Variants in UACA observed in about 807,000 individuals in gnomAD.
The protein encoded by UACA is nuclear membrane binding protein.
Under a neutral mutation model 160.5 loss-of-function variants are expected in UACA, and 112 were observed. The ratio of observed to expected loss-of-function variants is 0.70; its 90% CI spans 0.60 to 0.82. UACA has a LOEUF of 0.82. UACA is among the 40% of genes least tolerant of loss of function. The pLI, the probability that UACA is intolerant of heterozygous loss-of-function variation, is 0.00. For synonymous variants in UACA, 557 were observed against 568.4 expected (o/e 0.98, Z 0.29); for missense variants, 1,574 against 1,614.6 (o/e 0.97, Z 0.43).
chr15:70,699,639 A>G lies in UACA; in HGVS notation c.100T>C (p.Tyr34His). 6.2e-7 allele frequency: 1 copy of G among 1,611,460 alleles called. No homozygotes were observed. The highest frequency in any genetic ancestry group is 8.5e-7 in the Non-Finnish European group (1 of 1,179,362). The change falls in exon 2 of 19, where the codon TAT becomes CAT. Residue 34 changes from tyrosine to histidine, a missense_variant. Tyr to His is a moderately conservative substitution (Grantham distance 83, BLOSUM62 2). Coordinates refer to ENST00000322954, the MANE Select transcript of UACA (RefSeq NM_018003.4). Reference protein sequence around the residue: ...ASAHAADWNKYDDRLMKAAER... With the variant: ...ASAHAADWNKHDDRLMKAAER... Reference sequence around the variant, plus strand: ...GCTGCTTTCATCAATCGGTCATCATATTTATTCCAATCTGCTGCATGCTAC... The same window carrying G: ...GCTGCTTTCATCAATCGGTCATCATGTTTATTCCAATCTGCTGCATGCTAC...
intron 3 of UACA, among the ~76,000 whole-genome samples, chr15:70,691,580 T>C (rs1463236641): frequency 2.0e-5 from 3 of 152,154 alleles, no homozygotes; most frequent in Admixed American, 6.5e-5. Flanking sequence ...AAACTAATTA[T>C]AGAAATCTAT....
At chr15:70,745,350 G>A (rs1489779517) in intron 1 of UACA, among the ~76,000 whole-genome samples, 1 of 151,824 alleles carries the variant, frequency 6.6e-6, no homozygotes, top group African/African-American at 2.4e-5. Flanking sequence ...CAGGAGAGTG[G>A]CGTGAACCCG....
At chr15:70,680,219 T>A (rs1308819047) in intron 9 of UACA, among the ~76,000 whole-genome samples, 2 of 152,186 alleles carry the variant, frequency 1.3e-5, no homozygotes, top group African/African-American at 2.4e-5. Flanking sequence ...GGGTGTATGT[T>A]CTGTTTTTGT....
intron 16 of UACA, 198 bp from the exon 17 acceptor site, chr15:70,665,012 T>C (rs140377603): frequency 6.1e-4 from 266 of 434,548 alleles, no homozygotes; most frequent in African/African-American, 5.1e-3. Context: ...CCAGAAATTA[T>C]TTACAAAAGC....
At chr15:70,657,580 G>C (rs1490783740) in intron 18 of UACA, among the ~76,000 whole-genome samples, 1 of 152,120 alleles carries the variant, frequency 6.6e-6, no homozygotes, top group Non-Finnish European at 1.5e-5. Flanking sequence ...GGGTGACATG[G>C]CGAGACCCCA....
At chr15:70,702,349 G>A in intron 1 of UACA, 1 of 984,304 alleles carries the variant, frequency 1.0e-6, no homozygotes, top group Non-Finnish European at 1.2e-6. Context: ...ACAGCGTGGA[G>A]CCTGTCTCCC....
At chr15:70,717,801 G>C (rs1038392627) in intron 1 of UACA, among the ~76,000 whole-genome samples, 9 of 152,140 alleles carry the variant, frequency 5.9e-5, no homozygotes. Flanking sequence ...AAGGTATTTT[G>C]TAGATGTGAT....
At chr15:70,666,645 C>T in intron 16 of UACA, 79 bp downstream of exon 16, 1 of 1,219,592 alleles carries the variant, frequency 8.2e-7, no homozygotes, top group Non-Finnish European at 1.1e-6. Flanking sequence ...CCTGTGTCTA[C>T]TTTCCTGTGA....
rs59313425 is a variant in UACA, at chr15:70,718,324, ATGTGTGTGTGTGTG to A, written c.79-18678_79-18665del. On this transcript the variant is annotated intron_variant, in intron 1 of 18. Coordinates refer to ENST00000322954, the MANE Select transcript of UACA (RefSeq NM_018003.4). ...AGAGGGAGAGGGAGAGAGAGAGAGA[ATGTGTGTGTGTGTG>A]TGTGTGTGTGTGTGTGTGTGTGTGT... 1.2e-3 allele frequency among the ~76,000 whole-genome samples: 75 copies of A among 60,224 alleles called. No homozygotes were observed. The Middle Eastern group carries it at 0.045, about 36-fold the overall frequency. 39.5% of individuals were successfully genotyped at this position (60,224 alleles called of 152,430 possible).
intron 1 of UACA, among the ~76,000 whole-genome samples, chr15:70,715,139 A>G (rs1898787487): frequency 6.6e-6 from 1 of 152,216 alleles, no homozygotes; most frequent in Non-Finnish European, 1.5e-5. Context: ...GAGTTCTTAA[A>G]AAGCCTAAAT....
chr15:70,763,873 T>G (rs796748069), upstream of UACA, among the ~76,000 whole-genome samples: 97 of 152,252 alleles, frequency 6.4e-4, no homozygotes, highest in African/African-American at 2.3e-3. Context: ...CGGACTCCCC[T>G]CCTCTTTCCA....
rs558072119 is a variant in UACA at position 70,713,469 on chromosome 15, T to C, written c.79-13809A>G. The stretch of plus-strand genomic sequence containing the variant: ...GACAAGGAATTTACATCCCAGACAG[T>C]GGGAACAACTAGTGAAAGGAGCTTG... On this transcript the variant is annotated intron_variant, in intron 1 of 18. Transcript: ENST00000322954. Among the ~76,000 whole-genome samples the C allele has an allele frequency of 5.3e-5, 8 of 152,224 alleles. No homozygotes were observed. The South Asian group carries it at 8.3e-4, about 16-fold the overall frequency.
chr15:70,724,574 G>C (rs1899090182), intron 1 of UACA, among the ~76,000 whole-genome samples: 3 of 151,946 alleles, frequency 2.0e-5, no homozygotes, highest in Admixed American at 2.0e-4. Flanking sequence ...TACTTTTCAA[G>C]GAAAACTGGT....
At chr15:70,718,705 A>T (rs1898900382) in intron 1 of UACA, among the ~76,000 whole-genome samples, 1 of 152,112 alleles carries the variant, frequency 6.6e-6, no homozygotes, top group Admixed American at 6.5e-5. Flanking sequence ...ATTTGGAGGT[A>T]ATTACTATAA....
rs1216618477 is a variant in UACA, at chr15:70,667,812, C to T, written c.2872G>A (p.Glu958Lys). Residue 958 changes from glutamate to lysine, a missense_variant, in exon 16 of 19, where the codon GAA becomes AAA. Glu to Lys is a moderately conservative substitution (Grantham distance 56). Coordinates refer to ENST00000322954, the MANE Select transcript of UACA (RefSeq NM_018003.4). ...EILANYRKGQ[E>K]EIVTLHAEIK... is the part of the protein sequence containing the mutation. ...TCGGCATGCAGTGTCACAATCTCTTCTTGGCCTTTTCTGTAGTTGGCCAAG... is the reference window on the plus strand; with the variant it reads ...TCGGCATGCAGTGTCACAATCTCTTTTTGGCCTTTTCTGTAGTTGGCCAAG... 1 of 1,614,040 alleles carries T rather than the reference C, an allele frequency of 6.2e-7. No individual in the cohort carries two copies.
At chr15:70,729,642 G>A (rs1899256163) in intron 1 of UACA, among the ~76,000 whole-genome samples, 1 of 120,430 alleles carries the variant, frequency 8.3e-6, no homozygotes, top group Non-Finnish European at 1.7e-5. Context: ...TTCTCAACAA[G>A]AAAAAGCTGT....
chr15:70,721,015 G>A (rs944200536), intron 1 of UACA, among the ~76,000 whole-genome samples: 7 of 152,176 alleles, frequency 4.6e-5, no homozygotes, highest in African/African-American at 1.7e-4. Flanking sequence ...TGCACAGTCA[G>A]CCCAAAGCCT....
chr15:70,688,753 AAG>A (rs1897821210), intron 5 of UACA, among the ~76,000 whole-genome samples: 1 of 152,162 alleles, frequency 6.6e-6, no homozygotes, highest in Admixed American at 6.6e-5. Flanking sequence ...TAAAGCCAAA[AAG>A]AGAAAACTGC....
intron 1 of UACA, among the ~76,000 whole-genome samples, chr15:70,708,539 C>A (rs565248156): frequency 6.6e-6 from 1 of 151,574 alleles, no homozygotes; most frequent in Non-Finnish European, 1.5e-5. Flanking sequence ...CAGCTCACTG[C>A]AGCCTGCAAC....
Sources: gnomAD v4.1 joint callset for allele counts (sites outside exome capture counted in the v4.1 genomes callset) on GRCh38, gnomAD v4.1.1 for gene constraint, MANE v1.5 for transcripts, NCBI Gene and HGNC (gene_info 2026-07-23, HGNC 2026-07-21) for gene names.